CPNE8: variants seen among roughly 807,000 people sequenced by gnomAD.
CPNE8 encodes copine 8, also known as copine-8.
In CPNE8, 45 loss-of-function variants were observed where a neutral mutation model predicts 81.5. That is an observed-to-expected ratio of 0.55 (90% CI 0.44 to 0.71). The LOEUF (loss-of-function observed/expected upper bound fraction) is 0.71, where lower values mean the gene tolerates loss of function less well. CPNE8 is among the 30% of genes least tolerant of loss of function. The pLI is 0.00. For missense variants in CPNE8, 594 were observed against 672.1 expected (o/e 0.88, Z 1.28); for synonymous variants, 252 against 226.3 (o/e 1.11, Z -1.02).
chr12:38,746,144 G>A (rs1403283257), intron 10 of CPNE8, among the ~76,000 whole-genome samples: 1 of 151,978 alleles, frequency 6.6e-6, no homozygotes, highest in Non-Finnish European at 1.5e-5. Context: ...TTCATAGGAT[G>A]GAGATGACAA....
rs771857871 is a variant in CPNE8, at chr12:38,767,654, G to A, written c.556C>T (p.Arg186Ter). 2 of 1,558,908 alleles carry A rather than the reference G, an allele frequency of 1.3e-6. No individual in the cohort carries two copies. Among genetic ancestry groups the A allele is most frequent in the Non-Finnish European group, 1.7e-6 (2 of 1,158,920 alleles). Residue 186 changes from arginine to a stop codon, truncating the protein, a stop_gained, in exon 8 of 20, where the codon CGA (arginine) becomes TGA (stop). Transcript: ENST00000331366. LOFTEE classifies it high-confidence loss of function. ...GKSDPFLVFY[R>*]SNEDGSFTIC... ...ATCTACCTGCCATCTTCATTACTTC[G>A]ATAAAATACAAGGAAAGGATCTGAT...
intron 6 of CPNE8, among the ~76,000 whole-genome samples, chr12:38,813,513 T>A (rs565639225): frequency 8.6e-4 from 131 of 152,326 alleles, no homozygotes; most frequent in African/African-American, 2.6e-3. Context: ...TTGGGGCTTA[T>A]TCAATTTGAG....
intron 6 of CPNE8, among the ~76,000 whole-genome samples, chr12:38,801,786 A>T (rs1468709310): frequency 1.9e-5 from 2 of 105,616 alleles, no homozygotes; most frequent in Non-Finnish European, 3.9e-5. Flanking sequence ...AGACACACAT[A>T]GGCTCCAAAT....
At chr12:38,862,742 A>G in intron 3 of CPNE8, among the ~76,000 whole-genome samples, 1 of 152,286 alleles carries the variant, frequency 6.6e-6, no homozygotes, top group East Asian at 1.9e-4. Flanking sequence ...TGAGGTCAGG[A>G]GTTCAAGACC....
intron 15 of CPNE8, among the ~76,000 whole-genome samples, chr12:38,688,619 G>GTGTA (rs1399683015): frequency 1.3e-5 from 2 of 151,696 alleles, no homozygotes; most frequent in Non-Finnish European, 2.9e-5. Flanking sequence ...GTGTGTGTGT[G>GTGTA]TGTATACTAC....
chr12:38,747,448 C>T (rs1185711878), intron 10 of CPNE8, among the ~76,000 whole-genome samples: 9 of 152,070 alleles, frequency 5.9e-5, no homozygotes, highest in Admixed American at 5.2e-4. Flanking sequence ...TTAAAACCTT[C>T]TTTTCTAAAT....
intron 19 of CPNE8, among the ~76,000 whole-genome samples, chr12:38,655,881 G>A (rs1393705486): frequency 6.6e-6 from 1 of 151,856 alleles, no homozygotes; most frequent in Non-Finnish European, 1.5e-5. Context: ...ATTTCCAGGA[G>A]GGAAACTCAG....
intron 11 of CPNE8, among the ~76,000 whole-genome samples, chr12:38,728,609 A>G (rs1181788073): frequency 6.6e-6 from 1 of 152,156 alleles, no homozygotes; most frequent in Non-Finnish European, 1.5e-5. Context: ...ACAGAGCCTA[A>G]GAGAACCATG....
rs59418360 is a variant in CPNE8, at chr12:38,879,846, A to T, written c.99-5335T>A. 6.9e-3 allele frequency among the ~76,000 whole-genome samples: 1,045 copies of T among 150,498 alleles called. 18 individuals are homozygous for T. Among genetic ancestry groups the T allele is most frequent in the African/African-American group, 0.024 (969 of 40,712 alleles). Reference sequence around the variant, plus strand: ...GAAATTTTTAAAGTTCTAATTCAATAAAAAAAAACATACAAGATACTTGTT... The same window carrying T: ...GAAATTTTTAAAGTTCTAATTCAATTAAAAAAAACATACAAGATACTTGTT... On this transcript the variant is annotated intron_variant, in intron 1 of 19. Transcript: ENST00000331366.
chr12:38,724,800 A>T lies in CPNE8; in HGVS notation c.852+46T>A, dbSNP rs749241082. 4.9e-5 allele frequency: 61 copies of T among 1,248,636 alleles called. No individual in the cohort carries two copies. The East Asian group carries it at 1.6e-3, about 32-fold the overall frequency. 77.3% of individuals were successfully genotyped at this position (1,248,636 alleles called of 1,614,324 possible). A position where few individuals can be genotyped will look rare whatever the true frequency, so the allele number is the denominator to read the frequency against. On this transcript the variant is annotated intron_variant, in intron 12 of 19. Transcript: ENST00000331366. ...AAAGATGCCATCTACATATATGCTTATTCATTTATTTTAATCTTTAATAAA... is the reference window on the plus strand; with the variant it reads ...AAAGATGCCATCTACATATATGCTTTTTCATTTATTTTAATCTTTAATAAA...
intron 4 of CPNE8, among the ~76,000 whole-genome samples, chr12:38,843,678 CT>C (rs1369944298): frequency 1.3e-5 from 2 of 152,046 alleles, no homozygotes; most frequent in Non-Finnish European, 2.9e-5. Flanking sequence ...GAATAATGTC[CT>C]TTTTGGCCCC....
intron 10 of CPNE8, among the ~76,000 whole-genome samples, chr12:38,737,259 CT>C (rs925111036): frequency 1.3e-5 from 2 of 151,770 alleles, no homozygotes; most frequent in African/African-American, 2.4e-5. Context: ...ATTCTTGTAT[CT>C]TTTTTTTATG....
intron 6 of CPNE8, among the ~76,000 whole-genome samples, chr12:38,796,618 C>G (rs551712797): frequency 6.6e-6 from 1 of 152,090 alleles, no homozygotes; most frequent in African/African-American, 2.4e-5. Context: ...GCGTGAGTGA[C>G]GCAGAAGACG....
At chr12:38,879,807 T>G (rs1944124831) in intron 1 of CPNE8, among the ~76,000 whole-genome samples, 1 of 152,096 alleles carries the variant, frequency 6.6e-6, no homozygotes, top group Non-Finnish European at 1.5e-5. Flanking sequence ...AGTTCTAATT[T>G]AATTAAAAAA....
intron 10 of CPNE8, among the ~76,000 whole-genome samples, chr12:38,734,980 A>G (rs1940920203): frequency 6.6e-6 from 1 of 152,114 alleles, no homozygotes; most frequent in Non-Finnish European, 1.5e-5. Flanking sequence ...ACCGCAGTGT[A>G]ACATGTTTCA....
Position 38,768,490 on chromosome 12 carries a change from T to C in CPNE8, c.472-752A>G, listed in dbSNP as rs762577760. On this transcript the variant is annotated intron_variant, in intron 7 of 19. Coordinates refer to ENST00000331366, the MANE Select transcript of CPNE8 (RefSeq NM_153634.3). ...TTATTTAAAATCAAAATAAATAGTT[T>C]TGTGGGGTTTTGTGTGTATGTGTGT... Among the ~76,000 whole-genome samples the C allele has an allele frequency of 3.1e-4, 47 of 152,066 alleles. 1 individual carries two copies. Among genetic ancestry groups the C allele is most frequent in the Non-Finnish European group, 7.4e-5 (5 of 67,990 alleles).
chr12:38,707,276 T>G (rs1386743823), intron 13 of CPNE8, among the ~76,000 whole-genome samples: 2 of 152,160 alleles, frequency 1.3e-5, no homozygotes, highest in Non-Finnish European at 2.9e-5. Context: ...CTTGCACTGC[T>G]GCACTCCAGC....
chr12:38,906,106 C>T (rs1176148610), upstream of CPNE8: 1 of 986,136 alleles, frequency 1.0e-6, no homozygotes. Flanking sequence ...CTAACTGCCC[C>T]GTTATAAGGT....
intron 6 of CPNE8, among the ~76,000 whole-genome samples, chr12:38,777,189 C>T (rs1236331197): frequency 1.3e-5 from 2 of 151,990 alleles, no homozygotes; most frequent in Non-Finnish European, 2.9e-5. Context: ...GACAGGGATA[C>T]TGAGGATCCT....
Sources: allele counts gnomAD v4.1 joint callset (sites outside exome capture counted in the v4.1 genomes callset), GRCh38; gene constraint gnomAD v4.1.1; transcripts MANE v1.5; gene names NCBI Gene and HGNC (gene_info 2026-07-23, HGNC 2026-07-21).